Variants in GALNTL6 observed in about 807,000 individuals in gnomAD.
GALNTL6 encodes polypeptide N-acetylgalactosaminyltransferase like 6, also known as polypeptide N-acetylgalactosaminyltransferase-like 6.
GALNTL6 carries 46 observed loss-of-function variants against 73.7 expected under a neutral mutation model. The ratio of observed to expected loss-of-function variants is 0.62; its 90% CI spans 0.49 to 0.80. The LOEUF (loss-of-function observed/expected upper bound fraction) is 0.80. GALNTL6 is among the 30% of genes least tolerant of loss of function. The pLI, the probability that GALNTL6 is intolerant of heterozygous loss-of-function variation, is 0.00. For synonymous variants in GALNTL6, 259 were observed against 263.7 expected (o/e 0.98, Z 0.17); for missense variants, 604 against 755.0 (o/e 0.80, Z 2.34).
At chr4:171,930,218 A>T (rs895507437) in intron 2 of GALNTL6, among the ~76,000 whole-genome samples, 1 of 152,242 alleles carries the variant, frequency 6.6e-6, no homozygotes, top group South Asian at 2.1e-4. Flanking sequence ...GCCCAGTCCA[A>T]CAATCAATGT....
intron 4 of GALNTL6, among the ~76,000 whole-genome samples, chr4:172,344,584 G>A (rs73868968): frequency 0.025 from 3,740 of 152,216 alleles, 159 homozygotes; most frequent in African/African-American, 0.084. Flanking sequence ...AACACGATCC[G>A]GTCTTGTGAT....
At chr4:171,899,027 T>C (rs1008379177) in intron 2 of GALNTL6, among the ~76,000 whole-genome samples, 1 of 126,508 alleles carries the variant, frequency 7.9e-6, no homozygotes, top group Admixed American at 7.7e-5. Flanking sequence ...TTTTATCATT[T>C]TGATTTCTGA....
intron 5 of GALNTL6, among the ~76,000 whole-genome samples, chr4:172,703,910 G>C (rs1209047310): frequency 2.0e-5 from 3 of 151,830 alleles, no homozygotes; most frequent in Non-Finnish European, 4.4e-5. Flanking sequence ...GTATACTCAT[G>C]GTTCAATCTT....
intron 5 of GALNTL6, among the ~76,000 whole-genome samples, chr4:172,606,137 G>C (rs1225995083): frequency 6.6e-6 from 1 of 152,144 alleles, no homozygotes; most frequent in Non-Finnish European, 1.5e-5. Flanking sequence ...AGATTGTGAA[G>C]AGCCTTGTGA....
intron 2 of GALNTL6, among the ~76,000 whole-genome samples, chr4:172,001,180 A>G (rs1457853807): frequency 6.6e-6 from 1 of 152,196 alleles, no homozygotes; most frequent in Non-Finnish European, 1.5e-5. Context: ...TCCAGAAGAT[A>G]TTATTTTTAG....
chr4:172,041,776 G>A lies in GALNTL6; in HGVS notation c.139-187880G>A, dbSNP rs1052195770. On this transcript the variant is annotated intron_variant, in intron 2 of 12. Coordinates refer to ENST00000506823, the MANE Select transcript of GALNTL6 (RefSeq NM_001034845.3). Reference sequence around the variant, plus strand: ...TAAGTGTGGTGGATGAAAGACGGCCGCAAATACATTAGCACTCTTCTCATT... The same window carrying A: ...TAAGTGTGGTGGATGAAAGACGGCCACAAATACATTAGCACTCTTCTCATT... 9.9e-5 allele frequency among the ~76,000 whole-genome samples: 15 copies of A among 152,072 alleles called. No individual in the cohort carries two copies. In the South Asian group the frequency reaches 1.0e-3, roughly 11 times the overall value.
intron 5 of GALNTL6, among the ~76,000 whole-genome samples, chr4:172,419,333 G>GA (rs1405094784): frequency 2.0e-5 from 3 of 152,162 alleles, no homozygotes; most frequent in Non-Finnish European, 4.4e-5. Context: ...TAGGTTCATT[G>GA]TGAGGATAAA....
intron 5 of GALNTL6, among the ~76,000 whole-genome samples, chr4:172,688,791 A>G (rs758355710): frequency 6.6e-6 from 1 of 152,158 alleles, no homozygotes; most frequent in Non-Finnish European, 1.5e-5. Context: ...CCCCTTATGG[A>G]GAGTACCCAT....
At chr4:172,419,354 G>A (rs1185865359) in intron 5 of GALNTL6, among the ~76,000 whole-genome samples, 2 of 152,126 alleles carry the variant, frequency 1.3e-5, no homozygotes, top group African/African-American at 4.8e-5. Context: ...GTGTGATCGT[G>A]TATATGAGGC....
chr4:172,785,455 C>T (rs904213189), intron 5 of GALNTL6, among the ~76,000 whole-genome samples: 1 of 151,920 alleles, frequency 6.6e-6, no homozygotes, highest in Non-Finnish European at 1.5e-5. Context: ...TGATCATAAA[C>T]CTGCTAATTA....
chr4:172,322,102 C>G (rs1740780654), intron 4 of GALNTL6, among the ~76,000 whole-genome samples: 1 of 152,100 alleles, frequency 6.6e-6, no homozygotes, highest in Non-Finnish European at 1.5e-5. Context: ...CGCAGACAGC[C>G]CACCCAAGGG....
intron 4 of GALNTL6, among the ~76,000 whole-genome samples, chr4:172,341,675 C>A (rs971250056): frequency 6.6e-6 from 1 of 152,068 alleles, no homozygotes; most frequent in East Asian, 1.9e-4. Flanking sequence ...ACAGGAGTTT[C>A]TCTGCACAGG....
At chr4:172,253,970 G>T (rs1332012614) in intron 3 of GALNTL6, among the ~76,000 whole-genome samples, 1 of 151,656 alleles carries the variant, frequency 6.6e-6, no homozygotes, top group African/African-American at 2.4e-5. Context: ...ACACTAATGG[G>T]CACTAAAATA....
chr4:171,959,643 G>C (rs922290161), intron 2 of GALNTL6, among the ~76,000 whole-genome samples: 2 of 152,128 alleles, frequency 1.3e-5, no homozygotes, highest in Non-Finnish European at 2.9e-5. Flanking sequence ...TTGAACCCAG[G>C]TGTTCCAGAC....
chr4:172,483,127 G>A (rs1159420454), intron 5 of GALNTL6, among the ~76,000 whole-genome samples: 1 of 152,064 alleles, frequency 6.6e-6, no homozygotes, highest in Non-Finnish European at 1.5e-5. Context: ...ATTTTGCATG[G>A]AAAATTACTT....
At chr4:172,320,954 A>C (rs535616899) in intron 4 of GALNTL6, among the ~76,000 whole-genome samples, 9 of 152,168 alleles carry the variant, frequency 5.9e-5, no homozygotes, top group Non-Finnish European at 1.3e-4. Context: ...TCACTTTTGG[A>C]GGCTTTATTT....
At chr4:172,872,031 G>A (rs1180365397) in intron 7 of GALNTL6, among the ~76,000 whole-genome samples, 1 of 152,152 alleles carries the variant, frequency 6.6e-6, no homozygotes, top group Non-Finnish European at 1.5e-5. Context: ...GACCTCAGGT[G>A]ATTCACCCTC....
At chr4:172,867,803 G>T (rs964407) in intron 7 of GALNTL6, among the ~76,000 whole-genome samples, 151,706 of 152,326 alleles carry the variant, frequency 1, 75,548 homozygotes, top group Middle Eastern at 1. Context: ...TAGGGAACAG[G>T]GAACATTATG....
At chr4:172,905,812 CAAAAAAAAAAAAAAA>C (rs397996287) in intron 8 of GALNTL6, among the ~76,000 whole-genome samples, 1 of 69,666 alleles carries the variant, frequency 1.4e-5, no homozygotes, top group Admixed American at 1.6e-4. Flanking sequence ...AGAGATCACT[CAAAAAAAAAAAAAAA>C]AAAAAAAAAG....
Sources: allele counts gnomAD v4.1 joint callset (sites outside exome capture counted in the v4.1 genomes callset), GRCh38; gene constraint gnomAD v4.1.1; transcripts MANE v1.5; gene names NCBI Gene and HGNC (gene_info 2026-07-23, HGNC 2026-07-21).